STK24: variants seen among roughly 807,000 people sequenced by gnomAD.
STK24 encodes serine/threonine-protein kinase 24.
STK24 carries 21 observed loss-of-function variants against 55.6 expected under a neutral mutation model. The ratio of observed to expected loss-of-function variants is 0.38; its 90% CI spans 0.27 to 0.54. STK24 has a LOEUF of 0.54. Ranked by LOEUF, STK24 falls within the 20% of genes least tolerant of loss-of-function variation. The pLI, the probability that STK24 is intolerant of heterozygous loss-of-function variation, is 0.79. For synonymous variants in STK24, 200 were observed against 215.2 expected (o/e 0.93, Z 0.62); for missense variants, 383 against 538.4 (o/e 0.71, Z 2.86).
In STK24 at chr13:98,474,553, C is replaced by T. The variant is rs1486750261; in HGVS notation, c.597+268G>A. Among the ~76,000 whole-genome samples the T allele has an allele frequency of 3.9e-5, 6 of 152,180 alleles. No homozygotes were observed. In the East Asian group the frequency reaches 1.2e-3, roughly 29 times the overall value. On this transcript the variant is annotated intron_variant, in intron 5 of 10. Transcript: ENST00000539966. ...TTCCTCCCACCCCCCTCCAAACCCG[C>T]TCCATCCTGTGTCCCCGCTGCCACC...
intron 1 of STK24, among the ~76,000 whole-genome samples, chr13:98,571,634 G>GT (rs1897742362): frequency 1.3e-5 from 2 of 152,126 alleles, no homozygotes; most frequent in South Asian, 2.1e-4. Context: ...TTCAAAATAG[G>GT]TTTTTTGTTT....
At chr13:98,530,789 C>T (rs1474675970) in intron 1 of STK24, among the ~76,000 whole-genome samples, 1 of 152,192 alleles carries the variant, frequency 6.6e-6, no homozygotes, top group Admixed American at 6.5e-5. Flanking sequence ...ACCACCTTCA[C>T]CAGAGTTGGC....
In STK24 at chr13:98,463,766, G is replaced by A; in HGVS notation, c.854C>T (p.Thr285Ile). 6.2e-7 allele frequency: 1 copy of A among 1,614,186 alleles called. No homozygotes were observed. Among genetic ancestry groups the A allele is most frequent in the Non-Finnish European group, 8.5e-7 (1 of 1,180,026 alleles). Residue 285 changes from threonine to isoleucine, a missense_variant, in exon 7 of 11, where the codon ACC (threonine) becomes ATC (isoleucine). Transcript: ENST00000539966. ...TCTCTTGTACCTGTCGATGAGCTCG[G>A]TCAAGTAGGAAGTTTTCTTTGCATT... is the stretch of plus-strand genomic sequence containing the variant. The part of the protein sequence containing the change: ...LRNAKKTSYL[T>I]ELIDRYKRWK...
intron 1 of STK24, among the ~76,000 whole-genome samples, chr13:98,574,722 T>C (rs772643567): frequency 2.6e-5 from 4 of 152,134 alleles, no homozygotes; most frequent in Admixed American, 6.5e-5. Context: ...AGATCTTTCA[T>C]ACTGAGAAAA....
chr13:98,448,151 C>G lies in STK24; in HGVS notation c.*5022G>C. On this transcript the variant is annotated 3_prime_UTR_variant, in exon 11 of 11. Coordinates refer to ENST00000539966, the MANE Select transcript of STK24 (RefSeq NM_001032296.4). ...TACCAACCAGGCGGCCTGACTTCAC[C>G]TTGTGTTTCTGTAAGCGATGCCCAC... 8.4e-7 allele frequency: 1 copy of G among 1,190,074 alleles called. No homozygotes were observed. The allele number at this position is 1,190,074 out of a possible 1,614,324, so 73.7% of individuals were successfully genotyped here. A position where few individuals can be genotyped will look rare whatever the true frequency, so the allele number is the denominator to read the frequency against.
intron 5 of STK24, among the ~76,000 whole-genome samples, chr13:98,471,589 T>C (rs1894147588): frequency 6.6e-6 from 1 of 152,214 alleles, no homozygotes; most frequent in Admixed American, 6.5e-5. Flanking sequence ...GACTTAGTAA[T>C]GTCATGCTTA....
At chr13:98,555,101 T>C (rs77970300) in intron 1 of STK24, among the ~76,000 whole-genome samples, 1,794 of 152,272 alleles carry the variant, frequency 0.012, 40 homozygotes, top group African/African-American at 0.036. Flanking sequence ...TCTTTTCTTA[T>C]TACACTTGAT....
intron 5 of STK24, among the ~76,000 whole-genome samples, chr13:98,474,320 C>CT (rs1360527122): frequency 3.3e-5 from 5 of 152,176 alleles, no homozygotes; most frequent in African/African-American, 1.2e-4. Flanking sequence ...TAGGAAGACC[C>CT]TGCAGCAGTC....
intron 2 of STK24, 143 bp from the exon 3 acceptor site, chr13:98,482,464 G>T: frequency 1.8e-6 from 1 of 557,976 alleles, no homozygotes; most frequent in Non-Finnish European, 3.2e-6. Context: ...GTGTCAAAGT[G>T]AGAGCTGTGC....
intron 2 of STK24, among the ~76,000 whole-genome samples, chr13:98,500,829 C>T (rs1365855275): frequency 2.0e-5 from 3 of 151,994 alleles, no homozygotes; most frequent in Admixed American, 6.5e-5. Context: ...ATGTTAGTGG[C>T]AAATTTCATG....
chr13:98,567,200 C>T (rs553600817), intron 1 of STK24, among the ~76,000 whole-genome samples: 20 of 152,234 alleles, frequency 1.3e-4, no homozygotes, highest in Admixed American at 1.2e-3. Flanking sequence ...CTGTGCAGTG[C>T]CCCCAGCGCG....
At position 98,447,214 on chromosome 13, in the gene STK24, A is replaced by G; in HGVS notation, c.*5959T>C. On this transcript the variant is annotated 3_prime_UTR_variant, in exon 11 of 11. Transcript: ENST00000539966. The stretch of plus-strand genomic sequence containing the variant: ...TGTTCCTGCAATTCATATTTTGAAT[A>G]GAGATCCTGGGCCTCTGCAAATTGC... 6.2e-6 allele frequency: 1 copy of G among 162,100 alleles called. No individual in the cohort carries two copies. The highest frequency in any genetic ancestry group is 6.3e-5 in the Admixed American group (1 of 15,854). 10.0% of individuals were successfully genotyped at this position (162,100 alleles called of 1,614,324 possible).
intron 1 of STK24, chr13:98,576,197 G>A (rs1453101739): frequency 2.0e-6 from 2 of 985,364 alleles, no homozygotes; most frequent in Non-Finnish European, 2.4e-6. Flanking sequence ...AGTGGAACTC[G>A]CGGTTACCTT....
In STK24 at chr13:98,466,382, C is replaced by T. The variant is rs377650315; in HGVS notation, c.777G>A (p.Pro259=). The change falls in exon 6 of 11, where the codon CCG becomes CCA. Residue 259 remains proline (P), a synonymous_variant. Coordinates refer to ENST00000539966, the MANE Select transcript of STK24 (RefSeq NM_001032296.4). ...EFVEACLNKE[P]SFRPTAKELL... The stretch of plus-strand genomic sequence containing the variant: ...TGATCCCTGGGAAACTTACAAAGCT[C>T]GGCTCCTTATTCAAACAGGCCTCCA... The T allele has an allele frequency of 7.4e-5, 119 of 1,612,094 alleles. 1 individual carries two copies. The highest frequency in any genetic ancestry group is 4.1e-4 in the South Asian group (37 of 90,974).
At chr13:98,570,264 A>C (rs376896842) in intron 1 of STK24, among the ~76,000 whole-genome samples, 9 of 152,242 alleles carry the variant, frequency 5.9e-5, no homozygotes, top group African/African-American at 2.2e-4. Flanking sequence ...TCGGGGAATA[A>C]GAAATGGCGG....
At position 98,544,385 on chromosome 13, in the gene STK24, G is replaced by A. The variant is rs1448667565; in HGVS notation, c.43-24912C>T. On this transcript the variant is annotated intron_variant, in intron 1 of 10. Coordinates refer to ENST00000539966, the MANE Select transcript of STK24 (RefSeq NM_001032296.4). ...CCCTAACCAGGAAGGTTTCCTGGAA[G>A]AGAGGCCAGCTTTGCACTGTGGGCC... Among the ~76,000 whole-genome samples the A allele has an allele frequency of 2.6e-5, 4 of 152,260 alleles. No homozygotes were observed. The South Asian group carries it at 8.3e-4, about 31-fold the overall frequency.
intron 5 of STK24, among the ~76,000 whole-genome samples, chr13:98,474,492 C>A (rs1894287069): frequency 6.6e-6 from 1 of 152,132 alleles, no homozygotes; most frequent in Non-Finnish European, 1.5e-5. Context: ...TCTGCAACCG[C>A]ACACGCCTCC....
chr13:98,509,427 C>A (rs1895800604), intron 2 of STK24, among the ~76,000 whole-genome samples: 1 of 151,998 alleles, frequency 6.6e-6, no homozygotes, highest in Admixed American at 6.5e-5. Context: ...GAAATTGAAA[C>A]CTTCATTCAC....
intron 2 of STK24, among the ~76,000 whole-genome samples, chr13:98,509,742 T>A (rs942848103): frequency 6.6e-6 from 1 of 152,182 alleles, no homozygotes; most frequent in Non-Finnish European, 1.5e-5. Flanking sequence ...ATGTTCCATC[T>A]GCTTCCTTTA....
Sources: gnomAD v4.1 joint callset for allele counts (sites outside exome capture counted in the v4.1 genomes callset) on GRCh38, gnomAD v4.1.1 for gene constraint, MANE v1.5 for transcripts, NCBI Gene and HGNC (gene_info 2026-07-23, HGNC 2026-07-21) for gene names.